Variants in KIF12 observed in about 807,000 individuals in gnomAD.
KIF12 encodes kinesin family member 12.
A neutral mutation model predicts 87.9 loss-of-function variants in KIF12; 80 were observed. The observed-to-expected ratio is 0.91, with a 90% CI of 0.76 to 1.10. KIF12 has a LOEUF of 1.10. Ranked by LOEUF, KIF12 falls within the 50% of genes least tolerant of loss-of-function variation. The probability of loss-of-function intolerance (pLI) is 0.00; values close to 1 mark genes in which losing one functional copy is unlikely to be tolerated. For synonymous variants in KIF12, 353 were observed against 348.5 expected, an observed-to-expected ratio of 1.01 and a Z score of -0.14; for missense variants, 819 against 865.3, an observed-to-expected ratio of 0.95 and a Z score of 0.67.
At chr9:114,096,563 C>A in intron 7 of KIF12, 85 bp from the exon 8 acceptor site, 2 of 1,186,352 alleles carry the variant, frequency 1.7e-6, no homozygotes, top group Non-Finnish European at 2.5e-6. Context: ...GGAATCCTGG[C>A]GGAAGGGTCA....
chr9:114,092,851 A>C (rs1847051606), intron 16 of KIF12: 1 of 1,433,748 alleles, frequency 7.0e-7, no homozygotes, highest in Non-Finnish European at 9.1e-7. Flanking sequence ...AAGCCTCCTG[A>C]GAGCAGGAAC....
chr9:114,094,409 T>C lies in KIF12; in HGVS notation c.1166A>G (p.Gln389Arg). The change falls in exon 12 of 19, where the codon CAG becomes CGG. Residue 389 changes from glutamine (Q) to arginine (R), a missense_variant. By Grantham distance (43) the Gln-to-Arg change is conservative. Transcript: ENST00000640217. ...CAGGCGACGGTTCTCCTCCTGGAGC[T>C]GCAGCATCTCTGTCTCCAAACGCTG... ...QPQRLETEML[Q>R]LQEENRRLQF... 6.2e-7 allele frequency: 1 copy of C among 1,614,062 alleles called. No homozygotes were observed. The highest frequency in any genetic ancestry group is 8.5e-7 in the Non-Finnish European group (1 of 1,179,926).
In KIF12 at chr9:114,094,268, G is replaced by C. The variant is rs1464844454; in HGVS notation, c.1226C>G (p.Ser409Ter). The C allele has an allele frequency of 1.2e-6, 2 of 1,613,966 alleles. No individual in the cohort carries two copies. The highest frequency in any genetic ancestry group is 1.7e-6 in the Non-Finnish European group (2 of 1,179,934). ...FQLDQMDCKA[S>*]GLSGARVAWA... ...GGCCACCCGGGCTCCACTGAGCCCT[G>C]AGGCTGCAGGGAAGCAGGAGGTGGT... The change falls in exon 13 of 19, where the codon TCA (serine) becomes TGA (stop). Residue 409 changes from serine (S) to a stop codon, truncating the protein, a stop_gained. Coordinates refer to ENST00000640217, the MANE Select transcript of KIF12 (RefSeq NM_001388308.1). LOFTEE classifies it high-confidence loss of function.
chr9:114,098,640 G>C (rs1847349291), intron 3 of KIF12, among the ~76,000 whole-genome samples: 1 of 140,862 alleles, frequency 7.1e-6, no homozygotes, highest in East Asian at 2.2e-4. Flanking sequence ...ACACTCACTA[G>C]GGCCGGGGCA....
At chr9:114,096,291 T>C (rs1404322629) in intron 8 of KIF12, 84 bp from the exon 9 acceptor site, 39 of 1,601,158 alleles carry the variant, frequency 2.4e-5, no homozygotes, top group Non-Finnish European at 3.2e-5. Flanking sequence ...GTTTCCATTA[T>C]TAACCCCCAT....
At chr9:114,098,786 C>T in intron 3 of KIF12, 149 bp downstream of exon 3, 1 of 779,458 alleles carries the variant, frequency 1.3e-6, no homozygotes, top group South Asian at 1.9e-5. Flanking sequence ...GCTGGGCATC[C>T]TGGAAGGGAG....
intron 8 of KIF12, 63 bp downstream of exon 8, chr9:114,096,324 G>A (rs1366656599): frequency 5.0e-6 from 8 of 1,593,934 alleles, no homozygotes; most frequent in Admixed American, 3.5e-5. Flanking sequence ...TGGTTTATAT[G>A]TCCAGATACA....
At chr9:114,094,093 G>C (rs898986799) in intron 13 of KIF12, 88 bp downstream of exon 13, 3 of 1,466,310 alleles carry the variant, frequency 2.0e-6, no homozygotes, top group Non-Finnish European at 2.9e-6. Flanking sequence ...AAGGGAGCCA[G>C]GGGCAGGGAG....
At position 114,097,355 on chromosome 9, in the gene KIF12, G is replaced by C; in HGVS notation, c.592C>G (p.Leu198Val). ...NKTRGFYVEQ[L>V]RVVEFGSLEA... ...AGACTCCCAAATTCCACCACCCGCA[G>C]CTGCTCCACATAGAAGCCCCGAGTC... Residue 198 changes from leucine to valine, a missense_variant, in exon 7 of 19, where the codon CTG (leucine) becomes GTG (valine). Transcript: ENST00000640217. 2 of 1,610,986 alleles carry C rather than the reference G, an allele frequency of 1.2e-6. No homozygotes were observed. Among genetic ancestry groups the C allele is most frequent in the Non-Finnish European group, 8.5e-7 (1 of 1,179,342 alleles).
At chr9:114,096,299 C>T in intron 8 of KIF12, 88 bp downstream of exon 8, 1 of 1,598,144 alleles carries the variant, frequency 6.3e-7, no homozygotes, top group Non-Finnish European at 8.6e-7. Context: ...TATTAACCCC[C>T]ATGCACACCC....
intron 16 of KIF12, 121 bp downstream of exon 16, chr9:114,093,108 C>A: frequency 1.7e-6 from 2 of 1,158,688 alleles, no homozygotes; most frequent in South Asian, 2.7e-5. Context: ...CTAGGCCAGC[C>A]ATTCACTCCC....
At chr9:114,093,205 C>T in intron 16 of KIF12, 24 bp downstream of exon 16, 2 of 1,530,258 alleles carry the variant, frequency 1.3e-6, no homozygotes, top group Middle Eastern at 1.9e-4. Flanking sequence ...AGCCTTCCCT[C>T]ACTCCCACCA....
At position 114,098,366 on chromosome 9, in the gene KIF12, G is replaced by C. The variant is rs1026352227; in HGVS notation, c.235C>G (p.Arg79Gly). The change falls in exon 4 of 19, where the codon CGC becomes GGC. Residue 79 changes from arginine (R) to glycine (G), a missense_variant. Transcript: ENST00000640217. ...FRFGAVLDAA[R>G]TQEDVFRACG... ...GCCCGGAACACGTCCTCCTGCGTGC[G>C]CGCCGCGTCTAGCACCGCACCGAAG... The C allele has an allele frequency of 1.3e-5, 20 of 1,499,660 alleles. 2 individuals are homozygous for C. The highest frequency in any genetic ancestry group is 1.5e-5 in the African/African-American group (1 of 68,310). 92.9% of individuals were successfully genotyped at this position (1,499,660 alleles called of 1,614,324 possible).
chr9:114,098,084 C>T (rs993844942), intron 5 of KIF12, 31 bp downstream of exon 5: 3 of 1,540,996 alleles, frequency 1.9e-6, no homozygotes, highest in African/African-American at 1.4e-5. Context: ...CCCAGCCCCG[C>T]CCCGCGGGGG....
chr9:114,095,259 G>A lies in KIF12; in HGVS notation c.969C>T (p.Thr323=). 1 of 1,613,932 alleles carries A rather than the reference G, an allele frequency of 6.2e-7. No individual in the cohort carries two copies. Among genetic ancestry groups the A allele is most frequent in the Non-Finnish European group, 8.5e-7 (1 of 1,180,024 alleles). Residue 323 remains threonine, a synonymous_variant, in exon 10 of 19, where the codon ACC becomes ACT. Transcript: ENST00000640217. ...CTCCCAGTGAGTCTGCCAGCAACTT[G>A]GTGAGCTTGCTGTCCCGGAAAGGGA... The part of the protein sequence containing the change: ...SHIPFRDSKL[T]KLLADSLGGR...
At chr9:114,093,035 G>T in intron 16 of KIF12, 194 bp downstream of exon 16, 2 of 1,227,626 alleles carry the variant, frequency 1.6e-6, no homozygotes, top group Non-Finnish European at 2.2e-6. Context: ...GGCCCTGACA[G>T]GGCAGGGTGA....
At position 114,092,018 on chromosome 9, in the gene KIF12, T is replaced by A. The variant is rs552581304; in HGVS notation, c.1817-18A>T. 3 of 1,605,040 alleles carry A rather than the reference T, an allele frequency of 1.9e-6. No homozygotes were observed. The South Asian group carries it at 3.3e-5, about 18-fold the overall frequency. On this transcript the variant is annotated intron_variant, in intron 18 of 18. Transcript: ENST00000640217. ...GGCCCCACCTAAGGAGCAGTGAGAC[T>A]CGAGGCCTGCCCTCTCCAGGGCCCT...
At position 114,091,964 on chromosome 9, in the gene KIF12, T is replaced by C. The variant is rs766305161; in HGVS notation, c.1853A>G (p.Glu618Gly). Residue 618 changes from glutamate to glycine, a missense_variant, in exon 19 of 19, where the codon GAG (glutamate) becomes GGG (glycine). By Grantham distance (98) the Glu-to-Gly change is moderately conservative. Transcript: ENST00000640217. ...AGVPNLAQRLEALRDQIGSSL... is the reference protein window; with the variant it reads ...AGVPNLAQRLGALRDQIGSSL... ...GCTGCCAATCTGGTCTCTGAGGGCCTCCAGTCTCTGGGCCAGGTTTGGAAC... is the reference window on the plus strand; with the variant it reads ...GCTGCCAATCTGGTCTCTGAGGGCCCCCAGTCTCTGGGCCAGGTTTGGAAC... 6.2e-7 allele frequency: 1 copy of C among 1,612,612 alleles called. No homozygotes were observed. Among genetic ancestry groups the C allele is most frequent in the Admixed American group, 1.7e-5 (1 of 59,988 alleles).
In KIF12 at chr9:114,096,388, G is replaced by A; in HGVS notation, c.737C>T (p.Thr246Ile). 1.9e-6 allele frequency: 3 copies of A among 1,612,492 alleles called. No individual in the cohort carries two copies. The highest frequency in any genetic ancestry group is 2.5e-6 in the Non-Finnish European group (3 of 1,179,338). Reference sequence around the variant, plus strand: ...ACCTTCCCAGGCTGGAGCACTCACAGTTTGACGGCTGATGTAAAGGGTGAG... The same window carrying A: ...ACCTTCCCAGGCTGGAGCACTCACAATTTGACGGCTGATGTAAAGGGTGAG... ...ALLTLYISRQ[T>I]AQQMPSVDPG... Residue 246 changes from threonine to isoleucine, a missense_variant and splice_region_variant, in exon 8 of 19, where the codon ACT becomes ATT. Physicochemically the swap from Thr to Ile is moderately conservative, Grantham distance 89. Coordinates refer to ENST00000640217, the MANE Select transcript of KIF12 (RefSeq NM_001388308.1).
Sources: allele counts gnomAD v4.1 joint callset (sites outside exome capture counted in the v4.1 genomes callset), GRCh38; gene constraint gnomAD v4.1.1; transcripts MANE v1.5; gene names NCBI Gene and HGNC (gene_info 2026-07-23, HGNC 2026-07-21).